The following CELF2 variants were observed in gnomAD, a reference collection of about 807,000 sequenced individuals.
CELF2 encodes CUGBP Elav-like family member 2, also known as CUG triplet repeat RNA-binding protein 2.
In CELF2, 8 loss-of-function variants were observed where a neutral mutation model predicts 62.6. That is an observed-to-expected ratio of 0.13 (90% CI 0.07 to 0.23). The LOEUF (loss-of-function observed/expected upper bound fraction) is 0.23. Ranked by LOEUF, CELF2 falls within the 10% of genes least tolerant of loss-of-function variation. The probability of loss-of-function intolerance (pLI) is 1.00; values close to 1 mark genes in which losing one functional copy is unlikely to be tolerated. For synonymous variants in CELF2, 258 were observed against 250.0 expected (o/e 1.03, Z -0.30); for missense variants, 333 against 671.0 (o/e 0.50, Z 5.56).
At chr10:10,952,514 T>TA (rs1239771811) in intron 2 of CELF2, among the ~76,000 whole-genome samples, 1 of 152,184 alleles carries the variant, frequency 6.6e-6, no homozygotes, top group Non-Finnish European at 1.5e-5. Flanking sequence ...GAGAGGAAGT[T>TA]AGAGCAGAAT....
chr10:10,808,057 A>C (rs2055420085), intron 1 of CELF2, among the ~76,000 whole-genome samples: 1 of 152,200 alleles, frequency 6.6e-6, no homozygotes, highest in Admixed American at 6.5e-5. Flanking sequence ...CTGGATGACA[A>C]AATACTGAAG....
At chr10:10,695,366 C>T in the CELF2 span, among the ~76,000 whole-genome samples, 25 of 141,368 alleles carry the variant, frequency 1.8e-4, no homozygotes, top group Middle Eastern at 3.6e-3. Flanking sequence ...GGGTTTCTGC[C>T]GAGAGATCAG....
rs2093825300 is a variant in CELF2, at chr10:11,302,218, C to T, written c.977-11921C>T. Among the ~76,000 whole-genome samples the T allele has an allele frequency of 6.6e-6, 1 of 152,234 alleles. No homozygotes were observed. The highest frequency in any genetic ancestry group is 2.1e-4 in the South Asian group (1 of 4,836). On this transcript the variant is annotated intron_variant, in intron 9 of 12. Transcript: ENST00000633077. The surrounding 1 kb of genome is among the most constrained non-coding windows in gnomAD (Gnocchi z 5.0). ...GTCACAAACCAAACCTTCCCACTCC[C>T]TGCAGCCTCTCACCTTCTCATGCCT... is the stretch of plus-strand genomic sequence containing the variant.
the CELF2 span, among the ~76,000 whole-genome samples, chr10:10,738,729 A>G: frequency 6.6e-6 from 1 of 152,196 alleles, no homozygotes; most frequent in African/African-American, 2.4e-5. Context: ...CAAGGTCATC[A>G]AACATAGGCA....
chr10:10,533,023 A>G, the CELF2 span, among the ~76,000 whole-genome samples: 1 of 152,186 alleles, frequency 6.6e-6, no homozygotes, highest in Non-Finnish European at 1.5e-5. Context: ...GTCTCTGCAA[A>G]TTTAAATCCA....
At chr10:11,141,622 A>G (rs57126046) in intron 1 of CELF2, among the ~76,000 whole-genome samples, 3,043 of 152,326 alleles carry the variant, frequency 0.02, 103 homozygotes, top group African/African-American at 0.069. Context: ...ATACAAAAGC[A>G]ACAGTCCTCA....
chr10:10,873,973 G>T (rs554273015), intron 1 of CELF2, among the ~76,000 whole-genome samples: 1 of 152,194 alleles, frequency 6.6e-6, no homozygotes, highest in South Asian at 2.1e-4. Context: ...CTCTGTATTT[G>T]CCCTATATCT....
chr10:11,045,824 C>T (rs1244669062), intron 1 of CELF2, among the ~76,000 whole-genome samples: 6 of 152,172 alleles, frequency 3.9e-5, no homozygotes, highest in Non-Finnish European at 8.8e-5. Context: ...GGTGCCATAT[C>T]TGTTTATAGC....
chr10:10,609,277 T>C, the CELF2 span, among the ~76,000 whole-genome samples: 2 of 152,310 alleles, frequency 1.3e-5, no homozygotes, highest in African/African-American at 4.8e-5. Context: ...AACATTCTGC[T>C]TTGCTGCCAC....
chr10:10,535,744 AAAC>A, the CELF2 span, among the ~76,000 whole-genome samples: 8 of 152,014 alleles, frequency 5.3e-5, no homozygotes, highest in African/African-American at 1.9e-4. Context: ...ACAAAAACAA[AAAC>A]AACAACAACA....
At chr10:11,071,376 T>C (rs1415370034) in intron 1 of CELF2, among the ~76,000 whole-genome samples, 2 of 152,334 alleles carry the variant, frequency 1.3e-5, no homozygotes, top group Middle Eastern at 3.4e-3. Flanking sequence ...GTTTTACAGA[T>C]GATAAAAGTA....
At chr10:10,524,940 C>G in the CELF2 span, among the ~76,000 whole-genome samples, 2 of 152,144 alleles carry the variant, frequency 1.3e-5, no homozygotes, top group African/African-American at 4.8e-5. Context: ...CTGATAATAT[C>G]GCTCTAGTCC....
chr10:11,321,087 T>C lies in CELF2; in HGVS notation c.1097-102T>C. The C allele has an allele frequency of 7.5e-7, 1 of 1,332,078 alleles. No individual in the cohort carries two copies. Among genetic ancestry groups the C allele is most frequent in the South Asian group, 1.2e-5 (1 of 83,404 alleles). 82.5% of individuals were successfully genotyped at this position (1,332,078 alleles called of 1,614,324 possible). A position where few individuals can be genotyped will look rare whatever the true frequency, so the allele number is the denominator to read the frequency against. On this transcript the variant is annotated intron_variant, in intron 10 of 12. Transcript: ENST00000633077. This position sits in a 1 kb window ranked among gnomAD's most constrained non-coding sequence, Gnocchi z 6.2. ...AGTGTAATTGTGTGCTAGCTGCATG[T>C]ACTTGCTGTTGTACTGTGTTTAAAT...
intron 1 of CELF2, among the ~76,000 whole-genome samples, chr10:11,106,867 T>C (rs535963499): frequency 6.6e-6 from 1 of 152,192 alleles, no homozygotes; most frequent in African/African-American, 2.4e-5. Flanking sequence ...GTGTGCAGGC[T>C]ACTTCTCAGC....
chr10:10,908,824 G>T (rs544747152), intron 1 of CELF2, among the ~76,000 whole-genome samples: 2 of 152,276 alleles, frequency 1.3e-5, no homozygotes, highest in East Asian at 3.9e-4. Flanking sequence ...GTCTTGCCCT[G>T]TCACCCAGGC....
At chr10:10,733,786 C>T in the CELF2 span, among the ~76,000 whole-genome samples, 1 of 152,148 alleles carries the variant, frequency 6.6e-6, no homozygotes, top group Non-Finnish European at 1.5e-5. Context: ...ATTCAATCGT[C>T]TCCCACTGGG....
In CELF2 at chr10:10,976,473, C is replaced by CT. The variant is rs780665071; in HGVS notation, c.89+56483dup. Among the ~76,000 whole-genome samples the CT allele has an allele frequency of 9.7e-4, 146 of 150,802 alleles. 1 individual carries two copies. The highest frequency in any genetic ancestry group is 2.3e-3 in the South Asian group (11 of 4,700). The stretch of plus-strand genomic sequence containing the variant: ...TGTCTCATTTCACGTCAGGCTTGGT[C>CT]TTTTTTTTTATGTTAAGCCATTTTA... On this transcript the variant is annotated intron_variant, in intron 2 of 13. Transcript: ENST00000636488.
chr10:10,820,252 A>C (rs1397532081), intron 1 of CELF2, among the ~76,000 whole-genome samples: 2 of 152,184 alleles, frequency 1.3e-5, no homozygotes, highest in African/African-American at 2.4e-5. Context: ...CAGCAGCATT[A>C]AAATGAACTA....
At chr10:10,528,599 A>G in the CELF2 span, among the ~76,000 whole-genome samples, 1 of 152,108 alleles carries the variant, frequency 6.6e-6, no homozygotes, top group African/African-American at 2.4e-5. Flanking sequence ...TGCTCAACAG[A>G]TCCCCAGCCC....
Sources: gnomAD v4.1 joint callset for allele counts (sites outside exome capture counted in the v4.1 genomes callset) on GRCh38, gnomAD v4.1.1 for gene constraint, Gnocchi (gnomAD v3.1) non-coding constraint, MANE v1.5 for transcripts, NCBI Gene and HGNC (gene_info 2026-07-23, HGNC 2026-07-21) for gene names.